Variants in BLTP1 observed in about 807,000 individuals in gnomAD.
BLTP1 encodes the protein bridge-like lipid transfer protein family member 1.
chr4:122,162,594 A>G, the BLTP1 span: 3 of 985,392 alleles, frequency 3.0e-6, no homozygotes, highest in South Asian at 4.7e-5. Context: ...TGTGGTGACG[A>G]AAGTCCTCTC....
chr4:122,166,191 GT>G, the BLTP1 span, among the ~76,000 whole-genome samples: 4 of 152,046 alleles, frequency 2.6e-5, no homozygotes, highest in Non-Finnish European at 5.9e-5. Flanking sequence ...TTCTTCTAGG[GT>G]TTTTATGGTT....
chr4:122,334,472 T>C, the BLTP1 span: 1 of 1,612,942 alleles, frequency 6.2e-7, no homozygotes, highest in Non-Finnish European at 8.5e-7. Flanking sequence ...CTCCTCCTTC[T>C]CCTCCTTTAC....
chr4:122,156,725 T>G, the BLTP1 span, among the ~76,000 whole-genome samples: 1 of 152,204 alleles, frequency 6.6e-6, no homozygotes, highest in African/African-American at 2.4e-5. Flanking sequence ...AAGCACATGT[T>G]TATTTGCTGA....
At chr4:122,292,742 C>A in the BLTP1 span, 1 of 293,662 alleles carries the variant, frequency 3.4e-6, no homozygotes, top group Non-Finnish European at 5.1e-6. Context: ...AAACAATAAG[C>A]CTATCCAACC....
At chr4:122,325,201 G>T in the BLTP1 span, 2 of 1,563,202 alleles carry the variant, frequency 1.3e-6, no homozygotes, top group Non-Finnish European at 1.7e-6. Flanking sequence ...GAGAATATTG[G>T]TGTTTTATAA....
At chr4:122,220,210 A>G in the BLTP1 span, 3 of 1,040,050 alleles carry the variant, frequency 2.9e-6, no homozygotes, top group Non-Finnish European at 4.1e-6. Context: ...CTCAGTAATC[A>G]TAGTTTCTCT....
At chr4:122,185,873 T>G in the BLTP1 span, 1 of 250,902 alleles carries the variant, frequency 4.0e-6, no homozygotes, top group Non-Finnish European at 6.3e-6. Context: ...TTTTTCTTTT[T>G]TTGGCCAGTG....
the BLTP1 span, chr4:122,266,636 A>G: frequency 1.6e-5 from 9 of 550,462 alleles, no homozygotes; most frequent in Non-Finnish European, 2.7e-5. Context: ...AGAGTCAATT[A>G]TATGAGACCA....
the BLTP1 span, among the ~76,000 whole-genome samples, chr4:122,317,549 T>C: frequency 6.6e-6 from 1 of 152,198 alleles, no homozygotes; most frequent in Non-Finnish European, 1.5e-5. Context: ...CAGTAAATAT[T>C]CTTGTTGCTA....
the BLTP1 span, among the ~76,000 whole-genome samples, chr4:122,337,326 A>T: frequency 6.6e-6 from 1 of 152,158 alleles, no homozygotes; most frequent in South Asian, 2.1e-4. Context: ...AGCTTACCTT[A>T]AATGTGCTCA....
chr4:122,348,890 TA>T, the BLTP1 span: 1 of 549,410 alleles, frequency 1.8e-6, no homozygotes, highest in Non-Finnish European at 3.1e-6. Context: ...TACTGCAATA[TA>T]AAACATCATG....
chr4:122,346,505 A>C, the BLTP1 span: 3 of 1,434,152 alleles, frequency 2.1e-6, no homozygotes, highest in East Asian at 7.0e-5. Flanking sequence ...ATGTAACACT[A>C]ATCATAATAT....
the BLTP1 span, among the ~76,000 whole-genome samples, chr4:122,216,750 A>C: frequency 6.6e-6 from 1 of 152,092 alleles, no homozygotes. Context: ...TTTGCTGTGC[A>C]GAAGTTTTTT....
the BLTP1 span, chr4:122,183,563 A>T: frequency 1.0e-6 from 1 of 973,280 alleles, no homozygotes; most frequent in East Asian, 1.1e-4. Flanking sequence ...GCCCCAGTTA[A>T]CAAGGCTGTT....
the BLTP1 span, among the ~76,000 whole-genome samples, chr4:122,323,754 G>A: frequency 6.6e-6 from 1 of 151,828 alleles, no homozygotes; most frequent in Non-Finnish European, 1.5e-5. Flanking sequence ...AATATTACTT[G>A]TGTCCTGTTA....
chr4:122,246,197 A>G, the BLTP1 span: 3 of 1,607,962 alleles, frequency 1.9e-6, no homozygotes, highest in Admixed American at 3.4e-5. Context: ...TGAGCAGTCT[A>G]CAATAGGAAC....
the BLTP1 span, chr4:122,249,360 T>G: frequency 2.1e-6 from 3 of 1,415,314 alleles, no homozygotes; most frequent in Non-Finnish European, 9.3e-7. Flanking sequence ...TGTTTTTCTA[T>G]CTTTTTGACA....
chr4:122,152,370 C>G, the BLTP1 span: 1 of 985,878 alleles, frequency 1.0e-6, no homozygotes, highest in South Asian at 4.7e-5. Flanking sequence ...CTCCCCTCCT[C>G]CTCCGCCCCC....
the BLTP1 span, among the ~76,000 whole-genome samples, chr4:122,354,713 C>G: frequency 2.0e-5 from 3 of 149,380 alleles, no homozygotes; most frequent in Non-Finnish European, 4.4e-5. Context: ...GTTGCCCAGA[C>G]TGAAGTACAG....
Sources: allele counts gnomAD v4.1 joint callset (sites outside exome capture counted in the v4.1 genomes callset), GRCh38; gene constraint gnomAD v4.1.1; transcripts MANE v1.5; gene names NCBI Gene and HGNC (gene_info 2026-07-23, HGNC 2026-07-21).